The following RGS6 variants were observed in gnomAD, a reference collection of about 807,000 sequenced individuals.
The protein encoded by RGS6 is regulator of G protein signaling 6.
Under a neutral mutation model 78.5 loss-of-function variants are expected in RGS6, and 30 were observed. The observed-to-expected ratio is 0.38, with a 90% CI of 0.29 to 0.52. The LOEUF (loss-of-function observed/expected upper bound fraction) is 0.52, where lower values mean the gene tolerates loss of function less well. Among genes scored for constraint, RGS6 ranks in the 20% least tolerant of loss-of-function variants. RGS6 has a pLI of 0.85. For missense variants in RGS6, 495 were observed against 609.7 expected (o/e 0.81, Z 1.98); for synonymous variants, 206 against 206.0 (o/e 1.00, Z 0.00).
rs766352167 is a variant in RGS6, at chr14:71,948,738, C to CTTTT, written c.-21+15798_-21+15799insTTTT. Among the ~76,000 whole-genome samples the CTTTT allele has an allele frequency of 7.8e-3, 584 of 75,172 alleles. 104 individuals are homozygous for CTTTT. The highest frequency in any genetic ancestry group is 0.027 in the African/African-American group (410 of 15,120). 49.3% of individuals were successfully genotyped at this position (75,172 alleles called of 152,430 possible). A position where few individuals can be genotyped will look rare whatever the true frequency, so the allele number is the denominator to read the frequency against. On this transcript the variant is annotated intron_variant, in intron 1 of 17. Coordinates refer to ENST00000553525, the MANE Select transcript of RGS6 (RefSeq NM_001204424.2). Reference sequence around the variant, plus strand: ...AAGCTGATTTCCTTTCTCTCTCTCTCTCTTTTTTTTTTTTTTTTTTTTTTT... The same window carrying CTTTT: ...AAGCTGATTTCCTTTCTCTCTCTCTCTTTTTCTTTTTTTTTTTTTTTTTTTTTTT...
At chr14:72,285,127 G>T (rs1181281810) in intron 2 of RGS6, among the ~76,000 whole-genome samples, 1 of 152,174 alleles carries the variant, frequency 6.6e-6, no homozygotes, top group African/African-American at 2.4e-5. Context: ...TGAGACTTTG[G>T]ACTGTGGACT....
At chr14:72,343,596 AG>A (rs1285867790) in intron 2 of RGS6, among the ~76,000 whole-genome samples, 1 of 151,904 alleles carries the variant, frequency 6.6e-6, no homozygotes, top group Admixed American at 6.6e-5. Flanking sequence ...TGCCTTCTAT[AG>A]TGTGTATTAA....
chr14:72,045,595 G>T (rs530270431), intron 2 of RGS6, among the ~76,000 whole-genome samples: 60 of 152,212 alleles, frequency 3.9e-4, no homozygotes, highest in Middle Eastern at 3.4e-3. Flanking sequence ...GTGCTAAGGT[G>T]TAGGGAAGGG....
At chr14:72,335,647 C>T (rs192108356) in intron 2 of RGS6, among the ~76,000 whole-genome samples, 4 of 152,140 alleles carry the variant, frequency 2.6e-5, no homozygotes, top group East Asian at 1.9e-4. Context: ...TCAGGAGTGT[C>T]GAATCTTTTG....
At chr14:72,028,605 A>G (rs947693709) in intron 2 of RGS6, among the ~76,000 whole-genome samples, 2 of 152,206 alleles carry the variant, frequency 1.3e-5, no homozygotes, top group African/African-American at 4.8e-5. Flanking sequence ...CTTCTGGAAC[A>G]TATTGTTATC....
intron 2 of RGS6, among the ~76,000 whole-genome samples, chr14:72,330,601 A>G (rs1226621125): frequency 6.6e-6 from 1 of 152,228 alleles, no homozygotes; most frequent in African/African-American, 2.4e-5. Flanking sequence ...AAAGGGCATT[A>G]ACTTTTCATA....
intron 13 of RGS6, among the ~76,000 whole-genome samples, chr14:72,504,798 G>A (rs945921680): frequency 2.7e-5 from 4 of 150,748 alleles, no homozygotes; most frequent in African/African-American, 9.8e-5. Context: ...GTGTCACCCA[G>A]GCTGGAGTGC....
chr14:72,610,920 A>G, the RGS6 span, among the ~76,000 whole-genome samples: 1 of 152,242 alleles, frequency 6.6e-6, no homozygotes, highest in Admixed American at 6.5e-5. Context: ...GTCTTGGCTC[A>G]AAAGAACGTT....
chr14:72,345,093 G>C (rs1192841600), intron 2 of RGS6, among the ~76,000 whole-genome samples: 2 of 152,212 alleles, frequency 1.3e-5, no homozygotes, highest in Non-Finnish European at 2.9e-5. Context: ...GCAGTGATCT[G>C]TTGAGGTCTT....
chr14:72,032,676 T>G (rs60250615), intron 2 of RGS6, among the ~76,000 whole-genome samples: 1 of 152,108 alleles, frequency 6.6e-6, no homozygotes, highest in African/African-American at 2.4e-5. Flanking sequence ...ACTACTTAAG[T>G]ATACCTCATA....
chr14:71,920,652 G>A, the RGS6 span, among the ~76,000 whole-genome samples: 2 of 135,912 alleles, frequency 1.5e-5, no homozygotes, highest in African/African-American at 5.4e-5. Context: ...CACACACAAA[G>A]ATCAACTTGG....
intron 1 of RGS6, among the ~76,000 whole-genome samples, chr14:71,942,091 G>A (rs2090692714): frequency 6.6e-6 from 1 of 152,090 alleles, no homozygotes; most frequent in Non-Finnish European, 1.5e-5. Context: ...CAAGACAAAA[G>A]AATAATCATC....
chr14:72,414,881 G>C (rs978589305), intron 3 of RGS6, among the ~76,000 whole-genome samples: 9 of 152,174 alleles, frequency 5.9e-5, no homozygotes, highest in Non-Finnish European at 1.2e-4. Context: ...TTGGTGAACC[G>C]CAAGTGCTGC....
At chr14:72,010,152 G>T (rs927584853) in intron 2 of RGS6, among the ~76,000 whole-genome samples, 9 of 152,074 alleles carry the variant, frequency 5.9e-5, no homozygotes, top group African/African-American at 2.2e-4. Flanking sequence ...TCATGGCAGT[G>T]GTAGCTATTC....
chr14:72,404,852 G>C (rs2092779186), intron 3 of RGS6, among the ~76,000 whole-genome samples: 1 of 152,128 alleles, frequency 6.6e-6, no homozygotes, highest in Non-Finnish European at 1.5e-5. Flanking sequence ...CTTAGGTGGT[G>C]GCACCCACTG....
At chr14:72,557,703 T>C (rs985794812) in intron 17 of RGS6, among the ~76,000 whole-genome samples, 1 of 152,262 alleles carries the variant, frequency 6.6e-6, no homozygotes, top group Non-Finnish European at 1.5e-5. Context: ...CTAAGTTGCA[T>C]GGTGAGCTGT....
chr14:72,118,664 G>A (rs2095969865), intron 2 of RGS6, among the ~76,000 whole-genome samples: 1 of 152,204 alleles, frequency 6.6e-6, no homozygotes, highest in African/African-American at 2.4e-5. Flanking sequence ...CTATTCCTAA[G>A]TCATCCTGAG....
chr14:72,511,773 C>T (rs1203645420), intron 14 of RGS6: 5 of 152,220 alleles, frequency 3.3e-5, no homozygotes, highest in African/African-American at 1.2e-4. Flanking sequence ...CTGTATGGAG[C>T]GTGCTGTTCT....
At chr14:72,048,390 C>A (rs1006610100) in intron 2 of RGS6, among the ~76,000 whole-genome samples, 2 of 152,162 alleles carry the variant, frequency 1.3e-5, no homozygotes, top group African/African-American at 2.4e-5. Flanking sequence ...TCTATGCTAA[C>A]GCCTTCTAGT....
Sources: allele counts gnomAD v4.1 joint callset (sites outside exome capture counted in the v4.1 genomes callset), GRCh38; gene constraint gnomAD v4.1.1; transcripts MANE v1.5; gene names NCBI Gene and HGNC (gene_info 2026-07-23, HGNC 2026-07-21).